The following TMC1 variants were observed in gnomAD, a reference collection of about 807,000 sequenced individuals.
TMC1 encodes the protein transmembrane channel-like protein 1.
A neutral mutation model predicts 105.8 loss-of-function variants in TMC1; 84 were observed. The ratio of observed to expected loss-of-function variants is 0.79; its 90% CI spans 0.67 to 0.95. The LOEUF is 0.95. TMC1 is among the 40% of genes least tolerant of loss of function. The pLI is 0.00. For missense variants in TMC1, 817 were observed against 914.1 expected, an observed-to-expected ratio of 0.89 and a Z score of 1.37; for synonymous variants, 315 against 311.5, an observed-to-expected ratio of 1.01 and a Z score of -0.12.
intron 19 of TMC1, 116 bp from the exon 20 acceptor site, chr9:72,820,726 G>A: frequency 1.6e-6 from 2 of 1,263,526 alleles, no homozygotes; most frequent in Non-Finnish European, 2.3e-6. Context: ...CTGGTTGAAA[G>A]TGGCAGTGTA....
At chr9:72,710,946 C>G (rs530646427) in intron 8 of TMC1, among the ~76,000 whole-genome samples, 1 of 152,166 alleles carries the variant, frequency 6.6e-6, no homozygotes, top group African/African-American at 2.4e-5. Context: ...CTCCGCATCC[C>G]CAAACAGGCC....
At chr9:72,665,567 G>C (rs1021051495) in intron 5 of TMC1, among the ~76,000 whole-genome samples, 4 of 152,212 alleles carry the variant, frequency 2.6e-5, no homozygotes. Context: ...CCAATGGCCT[G>C]GGATGGATGG....
chr9:72,740,559 T>A (rs1827371772), intron 9 of TMC1, among the ~76,000 whole-genome samples: 1 of 152,118 alleles, frequency 6.6e-6, no homozygotes, highest in African/African-American at 2.4e-5. Context: ...ATCTGTATAG[T>A]TTTTTTCTAC....
chr9:72,801,502 A>C (rs567836978), intron 17 of TMC1, among the ~76,000 whole-genome samples: 56 of 152,284 alleles, frequency 3.7e-4, no homozygotes, highest in African/African-American at 1.3e-3. Flanking sequence ...CACAGTGCTA[A>C]ATTGTCCCCC....
intron 5 of TMC1, among the ~76,000 whole-genome samples, chr9:72,660,812 C>A (rs1313186889): frequency 6.6e-6 from 1 of 152,156 alleles, no homozygotes; most frequent in Non-Finnish European, 1.5e-5. Flanking sequence ...GATCCAGGTT[C>A]CAGTACTCTC....
intron 8 of TMC1, among the ~76,000 whole-genome samples, chr9:72,701,718 T>C (rs537167817): frequency 1.3e-5 from 2 of 152,338 alleles, no homozygotes; most frequent in East Asian, 3.9e-4. Context: ...TCGCTTAATC[T>C]CCTGAAGCCT....
intron 1 of TMC1, among the ~76,000 whole-genome samples, chr9:72,563,751 T>G (rs1363429074): frequency 6.6e-6 from 1 of 151,614 alleles, no homozygotes; most frequent in Non-Finnish European, 1.5e-5. Flanking sequence ...ATAAAAAAAA[T>G]TAGCTGGGCA....
intron 1 of TMC1, among the ~76,000 whole-genome samples, chr9:72,574,984 G>A (rs1487975030): frequency 6.6e-6 from 1 of 152,148 alleles, no homozygotes; most frequent in African/African-American, 2.4e-5. Context: ...TGAGTTTGGT[G>A]TGGTGACCAG....
At chr9:72,805,195 T>C in intron 17 of TMC1, 187 bp from the exon 18 acceptor site, 1 of 483,222 alleles carries the variant, frequency 2.1e-6, no homozygotes, top group Non-Finnish European at 3.6e-6. Flanking sequence ...GAAATAATTA[T>C]TTTTTAAGTA....
chr9:72,837,139 A>G lies in TMC1; in HGVS notation c.*1166A>G, dbSNP rs1829138412. ...GCAGTTGGAAGGAGCTATGTGTACAATGTGTTACTGAAGTTGTGTGCCTGC... is the reference window on the plus strand; with the variant it reads ...GCAGTTGGAAGGAGCTATGTGTACAGTGTGTTACTGAAGTTGTGTGCCTGC... On this transcript the variant is annotated 3_prime_UTR_variant, in exon 24 of 24. Coordinates refer to ENST00000297784, the MANE Select transcript of TMC1 (RefSeq NM_138691.3). 1 of 152,136 alleles carries G rather than the reference A, an allele frequency of 6.6e-6. No individual in the cohort carries two copies. Among genetic ancestry groups the G allele is most frequent in the South Asian group, 2.1e-4 (1 of 4,814 alleles). 9.4% of individuals were successfully genotyped at this position (152,136 alleles called of 1,614,324 possible). A position where few individuals can be genotyped will look rare whatever the true frequency, so the allele number is the denominator to read the frequency against.
chr9:72,633,157 C>T (rs1054435668), intron 4 of TMC1, among the ~76,000 whole-genome samples: 2 of 152,148 alleles, frequency 1.3e-5, no homozygotes, highest in African/African-American at 4.8e-5. Context: ...TCAGTTTGTT[C>T]AATAAAATCA....
In TMC1 at chr9:72,836,807, A is replaced by C. The variant is rs575807542; in HGVS notation, c.*834A>C. ...GGTGAATCCATACAGGTCTGCATCAAACTCGATACAATTCTTGCCTCCTTG... is the reference window on the plus strand; with the variant it reads ...GGTGAATCCATACAGGTCTGCATCACACTCGATACAATTCTTGCCTCCTTG... On this transcript the variant is annotated 3_prime_UTR_variant, in exon 24 of 24. Coordinates refer to ENST00000297784, the MANE Select transcript of TMC1 (RefSeq NM_138691.3). 5 of 152,290 alleles carry C rather than the reference A, an allele frequency of 3.3e-5. 1 individual carries two copies. The highest frequency in any genetic ancestry group is 2.6e-4 in the Admixed American group (4 of 15,292). 9.4% of individuals were successfully genotyped at this position (152,290 alleles called of 1,614,324 possible).
chr9:72,802,208 C>T (rs989381419), intron 17 of TMC1, among the ~76,000 whole-genome samples: 2 of 151,858 alleles, frequency 1.3e-5, no homozygotes, highest in African/African-American at 4.8e-5. Context: ...GCCTGGGCAA[C>T]ATAGCAAGAC....
intron 8 of TMC1, among the ~76,000 whole-genome samples, chr9:72,724,655 T>C (rs1827085729): frequency 1.3e-5 from 2 of 152,204 alleles, no homozygotes; most frequent in South Asian, 4.1e-4. Context: ...GTTACTATTA[T>C]CTTCTTAGTT....
chr9:72,565,718 G>C (rs969866055), intron 1 of TMC1, among the ~76,000 whole-genome samples: 23 of 152,198 alleles, frequency 1.5e-4, no homozygotes, highest in African/African-American at 5.3e-4. Context: ...CACAATCATG[G>C]TGGAAGGTGA....
intron 17 of TMC1, among the ~76,000 whole-genome samples, chr9:72,793,912 C>T (rs1012079090): frequency 3.9e-5 from 6 of 152,160 alleles, no homozygotes; most frequent in Non-Finnish European, 7.4e-5. Flanking sequence ...ACAGGATCCC[C>T]AGGGGCAACT....
intron 1 of TMC1, among the ~76,000 whole-genome samples, chr9:72,557,804 C>T (rs1021860154): frequency 2.6e-5 from 4 of 152,128 alleles, no homozygotes; most frequent in South Asian, 2.1e-4. Context: ...TCAAGTCTTC[C>T]GGTGTTTTGG....
intron 1 of TMC1, among the ~76,000 whole-genome samples, chr9:72,526,522 A>G (rs1332864816): frequency 6.6e-6 from 1 of 152,236 alleles, no homozygotes; most frequent in Non-Finnish European, 1.5e-5. Flanking sequence ...TTGTAAAGGA[A>G]TTAAACTCTA....
At chr9:72,780,994 C>T (rs765297803) in intron 13 of TMC1, among the ~76,000 whole-genome samples, 3 of 152,142 alleles carry the variant, frequency 2.0e-5, no homozygotes, top group Non-Finnish European at 2.9e-5. Flanking sequence ...GAACACTCCA[C>T]CCAACAACAA....
Sources: allele counts gnomAD v4.1 joint callset (sites outside exome capture counted in the v4.1 genomes callset), GRCh38; gene constraint gnomAD v4.1.1; transcripts MANE v1.5; gene names NCBI Gene and HGNC (gene_info 2026-07-23, HGNC 2026-07-21).